The following PELI3 variants were observed in gnomAD, a reference collection of about 807,000 sequenced individuals.
PELI3 encodes the protein pellino E3 ubiquitin protein ligase family member 3, also known as E3 ubiquitin-protein ligase pellino homolog 3.
PELI3 carries 19 observed loss-of-function variants against 35.5 expected under a neutral mutation model. The ratio of observed to expected loss-of-function variants is 0.54; its 90% CI spans 0.37 to 0.79. PELI3 has a LOEUF of 0.79. Ranked by LOEUF, PELI3 falls within the 30% of genes least tolerant of loss-of-function variation. The pLI is 0.00. For missense variants in PELI3, 490 were observed against 661.2 expected, an observed-to-expected ratio of 0.74 and a Z score of 2.84; for synonymous variants, 262 against 279.2, an observed-to-expected ratio of 0.94 and a Z score of 0.62.
chr11:66,471,183 T>C (rs1243934528), intron 3 of PELI3, 59 bp from the exon 4 acceptor site: 1 of 1,537,854 alleles, frequency 6.5e-7, no homozygotes. Flanking sequence ...AGGGGTTCAC[T>C]TTCTCTCTTT....
In PELI3 at chr11:66,468,244, A is replaced by T; in HGVS notation, c.116A>T (p.Glu39Val). Residue 39 changes from glutamate to valine, a missense_variant, in exon 2 of 8, where the codon GAG (glutamate) becomes GTG (valine). Around this residue, in one of 3 missense-constraint regions of PELI3, gnomAD observed 137 missense variants for 157.1 expected, o/e 0.87. Coordinates refer to ENST00000320740, the MANE Select transcript of PELI3 (RefSeq NM_145065.3). ...SSPGEDAQPG[E>V]EPIKYGELIV... is the part of the protein sequence containing the mutation. Reference sequence around the variant, plus strand: ...CCCGGTGAAGATGCGCAGCCAGGCGAGGAGCCCATCAAGTATGGTGAACTC... The same window carrying T: ...CCCGGTGAAGATGCGCAGCCAGGCGTGGAGCCCATCAAGTATGGTGAACTC... 6.3e-7 allele frequency: 1 copy of T among 1,588,562 alleles called. No homozygotes were observed. Among genetic ancestry groups the T allele is most frequent in the Non-Finnish European group, 8.6e-7 (1 of 1,164,726 alleles).
At position 66,469,791 on chromosome 11, in the gene PELI3, G is replaced by GTTTTTTTTTTTTT. The variant is rs34461329; in HGVS notation, c.224+899_224+900insTTTTTTTTTTTTT. On this transcript the variant is annotated intron_variant, in intron 3 of 7. Coordinates refer to ENST00000320740, the MANE Select transcript of PELI3 (RefSeq NM_145065.3). ...CGCAGTGGGTGGGACCAGGGAATCT[G>GTTTTTTTTTTTTT]TTTTTTTTTTTTGTTTTTTTTTTTT... 1.6e-4 allele frequency among the ~76,000 whole-genome samples: 20 copies of GTTTTTTTTTTTTT among 124,596 alleles called. 3 individuals are homozygous for GTTTTTTTTTTTTT. Among genetic ancestry groups the GTTTTTTTTTTTTT allele is most frequent in the East Asian group, 7.2e-4 (3 of 4,168 alleles). 81.7% of individuals were successfully genotyped at this position (124,596 alleles called of 152,430 possible). A position where few individuals can be genotyped will look rare whatever the true frequency, so the allele number is the denominator to read the frequency against.
chr11:66,474,123 C>T, intron 7 of PELI3, 198 bp downstream of exon 7: 2 of 745,098 alleles, frequency 2.7e-6, no homozygotes, highest in Non-Finnish European at 4.7e-6. Context: ...AGACCAGGGT[C>T]CCCAAGCATA....
In PELI3 at chr11:66,475,849, C is replaced by T. The variant is rs765127805; in HGVS notation, c.1092C>T (p.His364=). The change falls in exon 8 of 8, where the codon CAC becomes CAT. Residue 364 remains histidine, a synonymous_variant. Transcript: ENST00000320740. ...QQPWVYVRCG[H]VHGYHGWGCR... ...CCTGGGTCTACGTCCGCTGCGGGCA[C>T]GTCCATGGCTACCACGGCTGGGGCT... 82 of 1,606,950 alleles carry T rather than the reference C, an allele frequency of 5.1e-5. No individual in the cohort carries two copies. The highest frequency in any genetic ancestry group is 6.4e-5 in the Non-Finnish European group (75 of 1,177,698).
At chr11:66,474,109 A>C (rs1315620219) in intron 7 of PELI3, 184 bp downstream of exon 7, 2 of 791,664 alleles carry the variant, frequency 2.5e-6, no homozygotes, top group African/African-American at 3.4e-5. Flanking sequence ...ACAGACAGGC[A>C]GACAGACCAG....
rs1479410573 is a variant in PELI3 at position 66,473,994 on chromosome 11, C to G, written c.840+69C>G. ...CTCACAAGCTGCCCATCCCCCTGCC[C>G]AAGCCAGGAGATGATCTCCAGTCCT... is the stretch of plus-strand genomic sequence containing the variant. On this transcript the variant is annotated intron_variant, in intron 7 of 7. Coordinates refer to ENST00000320740, the MANE Select transcript of PELI3 (RefSeq NM_145065.3). This position sits in a 1 kb window ranked among gnomAD's most constrained non-coding sequence, Gnocchi z 5.8. The G allele has an allele frequency of 5.7e-6, 9 of 1,573,836 alleles. No homozygotes were observed. Among genetic ancestry groups the G allele is most frequent in the Non-Finnish European group, 7.8e-6 (9 of 1,158,302 alleles).
Position 66,468,229 on chromosome 11 carries a change from A to G in PELI3, c.101A>G (p.Asp34Gly). Residue 34 changes from aspartate to glycine, a missense_variant, in exon 2 of 8, where the codon GAT becomes GGT. Asp to Gly is a moderately conservative substitution (Grantham distance 94, BLOSUM62 -1). Transcript: ENST00000320740. ...GSCVLSSPGE[D>G]AQPGEEPIKY... ...TGCGTTCTCTCCTCTCCCGGTGAAG[A>G]TGCGCAGCCAGGCGAGGAGCCCATC... 6.3e-7 allele frequency: 1 copy of G among 1,597,484 alleles called. No homozygotes were observed. Among genetic ancestry groups the G allele is most frequent in the Non-Finnish European group, 8.5e-7 (1 of 1,170,010 alleles).
In PELI3 at chr11:66,469,895, G is replaced by A. The variant is rs563507597; in HGVS notation, c.224+991G>A. Among the ~76,000 whole-genome samples, 4 of 149,318 alleles carry A rather than the reference G, an allele frequency of 2.7e-5. No homozygotes were observed. In the South Asian group the frequency reaches 8.4e-4, roughly 31 times the overall value. ...GTTCACTGCAACCTCCACCTCCTGG[G>A]TTCAAGTGATTTTCCTGCCTCAGCC... is the stretch of plus-strand genomic sequence containing the variant. On this transcript the variant is annotated intron_variant, in intron 3 of 7. Transcript: ENST00000320740.
rs549366886 is a variant in PELI3 at position 66,473,100 on chromosome 11, G to GT, written c.457-140dup. The GT allele has an allele frequency of 9.9e-4, 782 of 793,326 alleles. 2 individuals carry two copies. In the African/African-American group the frequency reaches 0.011, roughly 12 times the overall value. 49.1% of individuals were successfully genotyped at this position (793,326 alleles called of 1,614,324 possible). A position where few individuals can be genotyped will look rare whatever the true frequency, so the allele number is the denominator to read the frequency against. On this transcript the variant is annotated intron_variant, in intron 5 of 7. Coordinates refer to ENST00000320740, the MANE Select transcript of PELI3 (RefSeq NM_145065.3). The surrounding 1 kb of genome is among the most constrained non-coding windows in gnomAD (Gnocchi z 5.8). Reference sequence around the variant, plus strand: ...GGAGCCTAGAGGGCCTATGGAGTTGGTGCTGCCCCTTCTCCAGGGCCTGGC... The same window carrying GT: ...GGAGCCTAGAGGGCCTATGGAGTTGGTTGCTGCCCCTTCTCCAGGGCCTGGC...
At position 66,473,981 on chromosome 11, in the gene PELI3, C is replaced by T; in HGVS notation, c.840+56C>T. 1 of 1,596,008 alleles carries T rather than the reference C, an allele frequency of 6.3e-7. No individual in the cohort carries two copies. Among genetic ancestry groups the T allele is most frequent in the African/African-American group, 1.3e-5 (1 of 74,794 alleles). ...TCCTTGCCAGGCCCTCACAAGCTGC[C>T]CATCCCCCTGCCCAAGCCAGGAGAT... On this transcript the variant is annotated intron_variant, in intron 7 of 7. Transcript: ENST00000320740. The surrounding 1 kb of genome is among the most constrained non-coding windows in gnomAD (Gnocchi z 5.8).
At chr11:66,468,730 T>C (rs1243446647) in intron 2 of PELI3, 103 bp from the exon 3 acceptor site, 9 of 591,866 alleles carry the variant, frequency 1.5e-5, no homozygotes, top group Non-Finnish European at 2.8e-5. Context: ...AGGTGATTTC[T>C]GTAAAGTACA....
intron 7 of PELI3, chr11:66,474,155 CA>C: frequency 4.4e-6 from 3 of 689,446 alleles, no homozygotes; most frequent in Middle Eastern, 2.4e-4. Context: ...ACTGGAGGTC[CA>C]GGGGGTGATG....
chr11:66,473,516 T>C lies in PELI3; in HGVS notation c.651+81T>C. The C allele has an allele frequency of 1.4e-6, 2 of 1,458,784 alleles. No homozygotes were observed. The highest frequency in any genetic ancestry group is 2.6e-5 in the South Asian group (2 of 76,740). The allele number at this position is 1,458,784 out of a possible 1,614,324, so 90.4% of individuals were successfully genotyped here. On this transcript the variant is annotated intron_variant, in intron 6 of 7. Coordinates refer to ENST00000320740, the MANE Select transcript of PELI3 (RefSeq NM_145065.3). The surrounding 1 kb of genome is among the most constrained non-coding windows in gnomAD (Gnocchi z 5.8). ...TGGGAGGTGCAGCATCTTGAGGTGATGAACCAGCCCACAGTAATCCAAATG... is the reference window on the plus strand; with the variant it reads ...TGGGAGGTGCAGCATCTTGAGGTGACGAACCAGCCCACAGTAATCCAAATG...
chr11:66,476,281 T>G lies in PELI3; in HGVS notation c.*114T>G. On this transcript the variant is annotated 3_prime_UTR_variant, in exon 8 of 8. Coordinates refer to ENST00000320740, the MANE Select transcript of PELI3 (RefSeq NM_145065.3). The stretch of plus-strand genomic sequence containing the variant: ...TCCCTGCTGGCACAGCCACACCAGA[T>G]GGACATGTTGGATGGGCTGTGCCCT... 4.3e-6 allele frequency: 5 copies of G among 1,154,334 alleles called. No individual in the cohort carries two copies. The highest frequency in any genetic ancestry group is 6.0e-6 in the Non-Finnish European group (5 of 838,492). The allele number at this position is 1,154,334 out of a possible 1,614,324, so 71.5% of individuals were successfully genotyped here. A position where few individuals can be genotyped will look rare whatever the true frequency, so the allele number is the denominator to read the frequency against.
At chr11:66,474,221 G>A (rs1459646478) in intron 7 of PELI3, 24 of 606,308 alleles carry the variant, frequency 4.0e-5, no homozygotes, top group African/African-American at 1.9e-5. Flanking sequence ...CAAGGCTGCT[G>A]GCAGCTTAAA....
chr11:66,476,579 G>A lies in PELI3; in HGVS notation c.*412G>A, dbSNP rs531899479. 20 of 208,182 alleles carry A rather than the reference G, an allele frequency of 9.6e-5. No individual in the cohort carries two copies. Among genetic ancestry groups the A allele is most frequent in the South Asian group, 8.4e-4 (10 of 11,872 alleles). 12.9% of individuals were successfully genotyped at this position (208,182 alleles called of 1,614,324 possible). A position where few individuals can be genotyped will look rare whatever the true frequency, so the allele number is the denominator to read the frequency against. Reference sequence around the variant, plus strand: ...CTCATCCTTCATCCTTCCTGCTGCCGCCCTGGGTTCCTCTATAAACCTCGC... The same window carrying A: ...CTCATCCTTCATCCTTCCTGCTGCCACCCTGGGTTCCTCTATAAACCTCGC... On this transcript the variant is annotated 3_prime_UTR_variant, in exon 8 of 8. Transcript: ENST00000320740.
At chr11:66,468,374 C>CT (rs1854609582) in intron 2 of PELI3, 94 bp downstream of exon 2, 1 of 1,268,386 alleles carries the variant, frequency 7.9e-7, no homozygotes, top group African/African-American at 1.5e-5. Context: ...CACATAGGGC[C>CT]TTCAGCTGTT....
chr11:66,473,747 C>A lies in PELI3; in HGVS notation c.662C>A (p.Ala221Asp). 1 of 1,613,820 alleles carries A rather than the reference C, an allele frequency of 6.2e-7. No individual in the cohort carries two copies. Among genetic ancestry groups the A allele is most frequent in the Non-Finnish European group, 8.5e-7 (1 of 1,179,982 alleles). ...CTCATGTGGTCCCAGGAGCGAGCGG[C>A]CAAATGGCGGACCCCAGATGGCCTG... The part of the protein sequence containing the change: ...SSNIFLGERA[A>D]KWRTPDGLMD... The change falls in exon 7 of 8, where the codon GCC (alanine) becomes GAC (aspartate). Residue 221 changes from alanine to aspartate, a missense_variant. Transcript: ENST00000320740. This position sits in a 1 kb window ranked among gnomAD's most constrained non-coding sequence, Gnocchi z 5.8.
Position 66,477,281 on chromosome 11 carries a change from GC to G in PELI3, c.*1118del, listed in dbSNP as rs1021908606. On this transcript the variant is annotated 3_prime_UTR_variant, in exon 8 of 8. Coordinates refer to ENST00000320740, the MANE Select transcript of PELI3 (RefSeq NM_145065.3). ...CATCATCCCTGAATGCCCACCATGTGCCCCGCACTGTGCTGATGATGATAAT... is the reference window on the plus strand; with the variant it reads ...CATCATCCCTGAATGCCCACCATGTGCCCGCACTGTGCTGATGATGATAAT... 1.7e-4 allele frequency: 26 copies of G among 152,278 alleles called. No individual in the cohort carries two copies. The highest frequency in any genetic ancestry group is 6.3e-4 in the African/African-American group (26 of 41,524). The allele number at this position is 152,278 out of a possible 1,614,324, so 9.4% of individuals were successfully genotyped here.
Sources: gnomAD v4.1 joint callset for allele counts (sites outside exome capture counted in the v4.1 genomes callset) on GRCh38, gnomAD v4.1.1 for gene constraint, gnomAD v4.1.1 regional missense constraint, Gnocchi (gnomAD v3.1) non-coding constraint, MANE v1.5 for transcripts, NCBI Gene and HGNC (gene_info 2026-07-23, HGNC 2026-07-21) for gene names.